CPSF6: variants seen among roughly 807,000 people sequenced by gnomAD.
CPSF6 encodes cleavage and polyadenylation specific factor 6.
CPSF6 carries 10 observed loss-of-function variants against 56.7 expected under a neutral mutation model. The ratio of observed to expected loss-of-function variants is 0.18; its 90% confidence interval spans 0.11 to 0.30. The LOEUF is 0.30. Among genes scored for constraint, CPSF6 ranks in the 10% least tolerant of loss-of-function variants. The pLI, the probability that CPSF6 is intolerant of heterozygous loss-of-function variation, is 1.00. For synonymous variants in CPSF6, 248 were observed against 244.8 expected (o/e 1.01, Z -0.12); for missense variants, 419 against 722.9 (o/e 0.58, Z 4.82).
intron 2 of CPSF6, among the ~76,000 whole-genome samples, chr12:69,251,572 T>C (rs1035273825): frequency 3.3e-5 from 5 of 152,194 alleles, no homozygotes; most frequent in African/African-American, 1.2e-4. Flanking sequence ...ACTAGTTAAA[T>C]ATAGTTAAAT....
At chr12:69,246,328 A>G (rs921631202) in intron 1 of CPSF6, among the ~76,000 whole-genome samples, 4 of 152,250 alleles carry the variant, frequency 2.6e-5, no homozygotes, top group Non-Finnish European at 4.4e-5. Flanking sequence ...ATTTATGTTT[A>G]CTAGAAAACC....
At chr12:69,244,443 C>CG (rs1871783960) in intron 1 of CPSF6, among the ~76,000 whole-genome samples, 2 of 152,058 alleles carry the variant, frequency 1.3e-5, no homozygotes, top group African/African-American at 4.8e-5. Context: ...AGGCTGGTCT[C>CG]GAACTCGTGA....
chr12:69,255,533 A>C (rs1872465137), intron 3 of CPSF6, among the ~76,000 whole-genome samples: 1 of 152,128 alleles, frequency 6.6e-6, no homozygotes, highest in African/African-American at 2.4e-5. Flanking sequence ...CAGTTTCTCC[A>C]CATATTTATT....
intron 9 of CPSF6, among the ~76,000 whole-genome samples, chr12:69,268,054 T>G (rs1592813647): frequency 6.6e-6 from 1 of 151,972 alleles, no homozygotes; most frequent in East Asian, 1.9e-4. Context: ...TAGCATTCTT[T>G]TGCAGTTAGA....
At chr12:69,243,511 C>T (rs1032267165) in intron 1 of CPSF6, among the ~76,000 whole-genome samples, 7 of 152,156 alleles carry the variant, frequency 4.6e-5, no homozygotes, top group Admixed American at 2.6e-4. Context: ...GCCTGTTGCT[C>T]CTAGGCTACA....
At chr12:69,256,279 ATG>A (rs1346545679) in intron 3 of CPSF6, among the ~76,000 whole-genome samples, 1 of 152,172 alleles carries the variant, frequency 6.6e-6, no homozygotes, top group Non-Finnish European at 1.5e-5. Context: ...GGTGATGAAA[ATG>A]TTTTAAAATT....
chr12:69,251,091 AC>A, intron 1 of CPSF6, 37 bp from the exon 2 acceptor site: 1 of 1,560,864 alleles, frequency 6.4e-7, no homozygotes. Flanking sequence ...TAGTATTTTG[AC>A]TTTTGTATAA....
rs1230213175 is a variant in CPSF6, at chr12:69,259,050, G to A, written c.1155G>A (p.Gly385=). 5 of 1,604,762 alleles carry A rather than the reference G, an allele frequency of 3.1e-6. No individual in the cohort carries two copies. The highest frequency in any genetic ancestry group is 1.1e-5 in the South Asian group (1 of 91,076). Reference sequence around the variant, plus strand: ...GTCCACCACCAACAGATCCATATGGGCGACCTCCACCATATGATAGGGGTG... The same window carrying A: ...GTCCACCACCAACAGATCCATATGGACGACCTCCACCATATGATAGGGGTG... The part of the protein sequence containing the change: ...SRGPPPTDPY[G]RPPPYDRGDY... The change falls in exon 6 of 10, where the codon GGG becomes GGA. Residue 385 remains glycine, a synonymous_variant. Transcript: ENST00000435070.
chr12:69,256,295 T>A (rs1592802895), intron 3 of CPSF6, among the ~76,000 whole-genome samples: 1 of 152,172 alleles, frequency 6.6e-6, no homozygotes, highest in South Asian at 2.1e-4. Context: ...TAAAATTGAT[T>A]ATGGTGGTGG....
chr12:69,240,109 G>A (rs1871528380), intron 1 of CPSF6, among the ~76,000 whole-genome samples: 1 of 151,438 alleles, frequency 6.6e-6, no homozygotes, highest in African/African-American at 2.4e-5. Flanking sequence ...CTGGTCGGAG[G>A]AGGAAGCCCT....
Position 69,257,739 on chromosome 12 carries a change from A to C in CPSF6, c.528A>C (p.Gln176His). Residue 176 changes from glutamine (Q) to histidine (H), a missense_variant, in exon 5 of 10, where the codon CAA becomes CAC. This residue lies in a region of CPSF6 where 125 missense variants were observed against 216.4 expected (regional missense o/e 0.58). Transcript: ENST00000435070. Reference sequence around the variant, plus strand: ...GTATTTGGATATTTGCAGCTACACAATCAGGACAAATGTCTGGGGAAGGTA... The same window carrying C: ...GTATTTGGATATTTGCAGCTACACACTCAGGACAAATGTCTGGGGAAGGTA... ...QFEMQSRKTT[Q>H]SGQMSGEGKA... 1 of 1,607,104 alleles carries C rather than the reference A, an allele frequency of 6.2e-7. No individual in the cohort carries two copies. Among genetic ancestry groups the C allele is most frequent in the Non-Finnish European group, 8.5e-7 (1 of 1,178,438 alleles).
chr12:69,263,392 T>G (rs1872833986), intron 9 of CPSF6, among the ~76,000 whole-genome samples: 1 of 152,124 alleles, frequency 6.6e-6, no homozygotes, highest in Non-Finnish European at 1.5e-5. Flanking sequence ...CTGTTTATGC[T>G]TCATTTTCAC....
chr12:69,268,990 A>G (rs915915840), intron 9 of CPSF6, among the ~76,000 whole-genome samples: 2 of 152,046 alleles, frequency 1.3e-5, no homozygotes, highest in African/African-American at 2.4e-5. Context: ...AAATTTTGTA[A>G]CATGGAACAC....
chr12:69,242,074 T>G (rs1871651658), intron 1 of CPSF6, among the ~76,000 whole-genome samples: 1 of 152,232 alleles, frequency 6.6e-6, no homozygotes, highest in African/African-American at 2.4e-5. Context: ...GATTTAATCT[T>G]TACTAGCTGG....
chr12:69,263,389 T>A (rs1465051649), intron 9 of CPSF6, among the ~76,000 whole-genome samples: 1 of 152,132 alleles, frequency 6.6e-6, no homozygotes, highest in Non-Finnish European at 1.5e-5. Flanking sequence ...TGTCTGTTTA[T>A]GCTTCATTTT....
intron 1 of CPSF6, among the ~76,000 whole-genome samples, chr12:69,246,082 G>A (rs1871889621): frequency 6.6e-6 from 1 of 152,130 alleles, no homozygotes; most frequent in South Asian, 2.1e-4. Flanking sequence ...ACGAGACTTT[G>A]TCACACACAA....
chr12:69,257,927 C>G lies in CPSF6; in HGVS notation c.694+22C>G, dbSNP rs771877152. 53 of 1,590,450 alleles carry G rather than the reference C, an allele frequency of 3.3e-5. No homozygotes were observed. In the Middle Eastern group the frequency reaches 8.4e-4, roughly 25 times the overall value. On this transcript the variant is annotated intron_variant, in intron 5 of 9. Coordinates refer to ENST00000435070, the MANE Select transcript of CPSF6 (RefSeq NM_007007.3). ...CCAGGTAAAACTTTTCTTAAATTAC[C>G]ATGGATAAAACATGTCTACCTAATA...
Position 69,239,628 on chromosome 12 carries a change from C to CGGCCGA in CPSF6, c.-15_-10dup, listed in dbSNP as rs761146017. The CGGCCGA allele has an allele frequency of 2.6e-6, 4 of 1,560,226 alleles. No individual in the cohort carries two copies. Among genetic ancestry groups the CGGCCGA allele is most frequent in the East Asian group, 2.6e-5 (1 of 38,886 alleles). On this transcript the variant is annotated 5_prime_UTR_variant, in exon 1 of 10. Coordinates refer to ENST00000435070, the MANE Select transcript of CPSF6 (RefSeq NM_007007.3). Reference sequence around the variant, plus strand: ...CTGCAGGAGGCGGCGGCGGCGGCGGCGGCCGAGGCTGAAGGAAGATGGCGG... The same window carrying CGGCCGA: ...CTGCAGGAGGCGGCGGCGGCGGCGGCGGCCGAGGCCGAGGCTGAAGGAAGATGGCGG...
intron 8 of CPSF6, 73 bp downstream of exon 8, chr12:69,260,270 T>A: frequency 8.4e-7 from 1 of 1,187,864 alleles, no homozygotes; most frequent in Non-Finnish European, 1.2e-6. Context: ...TGTGAGACTT[T>A]AAAAGGAGGA....
Sources: allele counts gnomAD v4.1 joint callset (sites outside exome capture counted in the v4.1 genomes callset), GRCh38; gene constraint gnomAD v4.1.1; regional missense constraint gnomAD v4.1.1; transcripts MANE v1.5; gene names NCBI Gene and HGNC (gene_info 2026-07-23, HGNC 2026-07-21).